Variants in GRIP1 observed in about 807,000 individuals in gnomAD.
GRIP1 encodes the protein glutamate receptor-interacting protein 1.
Under a neutral mutation model 129.9 loss-of-function variants are expected in GRIP1, and 45 were observed. The ratio of observed to expected loss-of-function variants is 0.35; its 90% CI spans 0.27 to 0.44. The LOEUF (loss-of-function observed/expected upper bound fraction) is 0.44. GRIP1 is among the 20% of genes least tolerant of loss of function. The probability of loss-of-function intolerance (pLI) is 1.00; values close to 1 mark genes in which losing one functional copy is unlikely to be tolerated. For synonymous variants in GRIP1, 530 were observed against 520.8 expected (o/e 1.02, Z -0.24); for missense variants, 1,196 against 1,396.8 (o/e 0.86, Z 2.29).
chr12:66,530,947 T>A (rs551025976), intron 4 of GRIP1, among the ~76,000 whole-genome samples: 1 of 151,778 alleles, frequency 6.6e-6, no homozygotes, highest in Non-Finnish European at 1.5e-5. Context: ...GCAAAAAGTA[T>A]ACAGTCAGGC....
At chr12:66,474,092 T>C (rs758343190) in intron 7 of GRIP1, among the ~76,000 whole-genome samples, 1 of 151,600 alleles carries the variant, frequency 6.6e-6, no homozygotes, top group Non-Finnish European at 1.5e-5. Context: ...TGAAAAAAGG[T>C]TAGATGAATT....
chr12:66,906,344 G>T (rs543029127), intron 1 of GRIP1, among the ~76,000 whole-genome samples: 3 of 152,090 alleles, frequency 2.0e-5, no homozygotes, highest in Non-Finnish European at 4.4e-5. Flanking sequence ...TGAGGTGGGA[G>T]AATCACCTGA....
chr12:66,887,672 C>G (rs1160136712), intron 1 of GRIP1, among the ~76,000 whole-genome samples: 1 of 152,108 alleles, frequency 6.6e-6, no homozygotes, highest in East Asian at 1.9e-4. Flanking sequence ...TATTTCTATT[C>G]TAAAATACAA....
chr12:66,939,860 T>A (rs1319462838), intron 1 of GRIP1, among the ~76,000 whole-genome samples: 1 of 152,208 alleles, frequency 6.6e-6, no homozygotes, highest in African/African-American at 2.4e-5. Flanking sequence ...TATTTTTAGA[T>A]GCCTTTATAT....
At chr12:66,968,997 A>T (rs2042035699) in intron 1 of GRIP1, among the ~76,000 whole-genome samples, 1 of 152,120 alleles carries the variant, frequency 6.6e-6, no homozygotes. Context: ...TGGATTTAGA[A>T]TTCAAAGTTG....
intron 1 of GRIP1, among the ~76,000 whole-genome samples, chr12:66,669,820 C>A (rs2033988713): frequency 6.6e-6 from 1 of 152,030 alleles, no homozygotes; most frequent in Non-Finnish European, 1.5e-5. Context: ...GTAGCTCTCC[C>A]ACATAGATAG....
chr12:66,860,494 T>C (rs2040093113), intron 1 of GRIP1, among the ~76,000 whole-genome samples: 1 of 152,180 alleles, frequency 6.6e-6, no homozygotes, highest in Admixed American at 6.5e-5. Context: ...CCTCTTCACA[T>C]TTGAAAGGAA....
chr12:66,447,163 C>T (rs2058653417), intron 11 of GRIP1, among the ~76,000 whole-genome samples: 1 of 152,178 alleles, frequency 6.6e-6, no homozygotes, highest in South Asian at 2.1e-4. Flanking sequence ...TGTCTTCGCC[C>T]ACTGGCTTTG....
Position 66,445,720 on chromosome 12 carries a change from C to T in GRIP1, c.1355-212G>A, listed in dbSNP as rs145891092. On this transcript the variant is annotated intron_variant, in intron 11 of 24. Transcript: ENST00000359742. Reference sequence around the variant, plus strand: ...AATAACATCAGTGTATCCCTGCACCCTGGCTCCCTACTCCTCAAACCAGGG... The same window carrying T: ...AATAACATCAGTGTATCCCTGCACCTTGGCTCCCTACTCCTCAAACCAGGG... Among the ~76,000 whole-genome samples, 14 of 152,310 alleles carry T rather than the reference C, an allele frequency of 9.2e-5. No homozygotes were observed. In the East Asian group the frequency reaches 2.7e-3, roughly 29 times the overall value.
intron 7 of GRIP1, among the ~76,000 whole-genome samples, chr12:66,503,217 G>A (rs1242214071): frequency 6.6e-6 from 1 of 152,112 alleles, no homozygotes; most frequent in African/African-American, 2.4e-5. Context: ...CTCAGAAATT[G>A]GGCGAGTGAA....
intron 1 of GRIP1, among the ~76,000 whole-genome samples, chr12:66,845,955 T>C (rs926873265): frequency 5.9e-5 from 9 of 152,174 alleles, no homozygotes; most frequent in Admixed American, 2.6e-4. Context: ...AAACTGTCTG[T>C]TTCCATTAAA....
chr12:66,559,999 C>T (rs1046223522), intron 2 of GRIP1, among the ~76,000 whole-genome samples: 6 of 152,072 alleles, frequency 3.9e-5, no homozygotes, highest in Non-Finnish European at 7.4e-5. Context: ...GAACAGAGAA[C>T]CCAGAAACAA....
intron 1 of GRIP1, among the ~76,000 whole-genome samples, chr12:66,772,287 C>T (rs17102897): frequency 0.013 from 2,025 of 152,286 alleles, 52 homozygotes; most frequent in African/African-American, 0.047. Flanking sequence ...AGAGGACTCC[C>T]AGGTGTGTTT....
At chr12:66,682,618 C>A (rs764516460), upstream of GRIP1, among the ~76,000 whole-genome samples, 3 of 152,116 alleles carry the variant, frequency 2.0e-5, no homozygotes, top group African/African-American at 7.2e-5. Flanking sequence ...TTCCTTGATT[C>A]TCCGCCATTG....
intron 1 of GRIP1, among the ~76,000 whole-genome samples, chr12:66,865,662 C>T (rs908169833): frequency 6.6e-6 from 1 of 152,066 alleles, no homozygotes; most frequent in Non-Finnish European, 1.5e-5. Context: ...CATCTACCCA[C>T]CCACATTCTC....
At chr12:66,519,746 T>C (rs1185504137) in intron 5 of GRIP1, among the ~76,000 whole-genome samples, 1 of 152,136 alleles carries the variant, frequency 6.6e-6, no homozygotes, top group Non-Finnish European at 1.5e-5. Flanking sequence ...TTTTTGAAAA[T>C]ATCAATGCCA....
In GRIP1 at chr12:66,643,212, C is replaced by T. The variant is rs142280123; in HGVS notation, c.55+35638G>A. Among the ~76,000 whole-genome samples the T allele has an allele frequency of 3.9e-5, 6 of 152,312 alleles. No individual in the cohort carries two copies. In the East Asian group the frequency reaches 1.2e-3, roughly 29 times the overall value. On this transcript the variant is annotated intron_variant, in intron 1 of 24. Transcript: ENST00000359742. ...GACAGTTTAACAAAAGGAACCAAAA[C>T]TTTTAAAATGTGCGTTGGGTTTCAC... is the stretch of plus-strand genomic sequence containing the variant.
chr12:66,801,799 C>G (rs2038865668), intron 1 of GRIP1, among the ~76,000 whole-genome samples: 1 of 152,110 alleles, frequency 6.6e-6, no homozygotes, highest in South Asian at 2.1e-4. Flanking sequence ...AATGACACTT[C>G]TGGTTCATCA....
At chr12:66,530,733 A>T (rs7489014) in intron 4 of GRIP1, among the ~76,000 whole-genome samples, 14 of 125,810 alleles carry the variant, frequency 1.1e-4, no homozygotes, top group Non-Finnish European at 1.9e-4. Context: ...ATTTCTGCAT[A>T]AAAAAACCCA....
Sources: gnomAD v4.1 joint callset for allele counts (sites outside exome capture counted in the v4.1 genomes callset) on GRCh38, gnomAD v4.1.1 for gene constraint, MANE v1.5 for transcripts, NCBI Gene and HGNC (gene_info 2026-07-23, HGNC 2026-07-21) for gene names.